SCP2: variants seen among roughly 807,000 people sequenced by gnomAD.
SCP2 encodes sterol carrier protein 2.
In SCP2, 48 loss-of-function variants were observed where a neutral mutation model predicts 71.4. That is an observed-to-expected ratio of 0.67 (90% CI 0.53 to 0.86). The LOEUF (loss-of-function observed/expected upper bound fraction) is 0.86. Among genes scored for constraint, SCP2 ranks in the 40% least tolerant of loss-of-function variants. The pLI, the probability that SCP2 is intolerant of heterozygous loss-of-function variation, is 0.00. For missense variants in SCP2, 560 were observed against 655.6 expected, an observed-to-expected ratio of 0.85 and a Z score of 1.59; for synonymous variants, 220 against 218.1, an observed-to-expected ratio of 1.01 and a Z score of -0.08.
intron 11 of SCP2, among the ~76,000 whole-genome samples, chr1:52,996,446 G>A (rs560588745): frequency 6.0e-4 from 92 of 152,302 alleles, no homozygotes; most frequent in African/African-American, 2.1e-3. Flanking sequence ...TGCAAGGAAG[G>A]GGATGGGATT....
chr1:53,014,802 A>C, intron 11 of SCP2, 88 bp from the exon 12 acceptor site: 2 of 1,485,734 alleles, frequency 1.3e-6, no homozygotes, highest in Non-Finnish European at 9.2e-7. Context: ...GGCTTAATCA[A>C]ATGCTTTAAT....
chr1:52,952,732 AC>A lies in SCP2; in HGVS notation c.331+1847del, dbSNP rs530699844. Among the ~76,000 whole-genome samples the A allele has an allele frequency of 1.1e-4, 17 of 151,942 alleles. No individual in the cohort carries two copies. The East Asian group carries it at 2.5e-3, about 22-fold the overall frequency. ...CAGTTTGCTATGACTGTGCCACTAT[AC>A]TCCAGCCTGGGCAACAGAGCAAGAC... On this transcript the variant is annotated intron_variant, in intron 4 of 15. Transcript: ENST00000371514.
At chr1:53,022,209 T>A (rs1412223083) in intron 12 of SCP2, among the ~76,000 whole-genome samples, 1 of 152,238 alleles carries the variant, frequency 6.6e-6, no homozygotes, top group Non-Finnish European at 1.5e-5. Flanking sequence ...ACGTTGTATG[T>A]AAATGAAATC....
rs1659150823 is a variant in SCP2, at chr1:52,988,012, T to C, written c.974-17T>C. The stretch of plus-strand genomic sequence containing the variant: ...TGTTACTATTAATATTTGTGAATAC[T>C]ATTTTTTCTTCTATAGGACAAGGTG... On this transcript the variant is annotated splice_polypyrimidine_tract_variant and intron_variant, in intron 10 of 15. Coordinates refer to ENST00000371514, the MANE Select transcript of SCP2 (RefSeq NM_002979.5). The C allele has an allele frequency of 8.1e-7, 1 of 1,236,766 alleles. No homozygotes were observed. The highest frequency in any genetic ancestry group is 1.7e-5 in the Admixed American group (1 of 59,524). 76.6% of individuals were successfully genotyped at this position (1,236,766 alleles called of 1,614,324 possible). A position where few individuals can be genotyped will look rare whatever the true frequency, so the allele number is the denominator to read the frequency against.
At chr1:52,972,153 A>G (rs903307617) in intron 6 of SCP2, among the ~76,000 whole-genome samples, 1 of 152,198 alleles carries the variant, frequency 6.6e-6, no homozygotes, top group Non-Finnish European at 1.5e-5. Context: ...AGTGTTCTGA[A>G]TGTGCACTAG....
intron 14 of SCP2, among the ~76,000 whole-genome samples, chr1:53,044,506 G>A (rs1460548758): frequency 6.6e-6 from 1 of 152,204 alleles, no homozygotes; most frequent in African/African-American, 2.4e-5. Flanking sequence ...AAGGACCTGT[G>A]CATATAGCAG....
intron 13 of SCP2, among the ~76,000 whole-genome samples, chr1:53,029,317 G>T (rs1485645282): frequency 6.7e-6 from 1 of 148,912 alleles, no homozygotes; most frequent in East Asian, 2.0e-4. Context: ...AGAATGGAGT[G>T]CAGTGGCATG....
intron 1 of SCP2, among the ~76,000 whole-genome samples, chr1:52,939,886 T>C (rs1654065086): frequency 6.6e-6 from 1 of 151,966 alleles, no homozygotes; most frequent in Admixed American, 6.6e-5. Flanking sequence ...ACCAGTCTGG[T>C]CTCGAATTCC....
chr1:52,931,639 G>A (rs1307695371), intron 1 of SCP2, among the ~76,000 whole-genome samples: 1 of 152,226 alleles, frequency 6.6e-6, no homozygotes, highest in Non-Finnish European at 1.5e-5. Context: ...AGAAAAGCCA[G>A]CTTGCTACTC....
intron 11 of SCP2, among the ~76,000 whole-genome samples, chr1:53,011,244 T>C (rs1306361247): frequency 6.6e-6 from 1 of 152,216 alleles, no homozygotes; most frequent in East Asian, 1.9e-4. Flanking sequence ...TATGACTTTA[T>C]TGTACTTGGC....
intron 11 of SCP2, chr1:52,993,734 A>G: frequency 2.5e-6 from 4 of 1,608,282 alleles, no homozygotes; most frequent in Middle Eastern, 2.3e-4. Flanking sequence ...CATTTGTAAT[A>G]TGATTGAAGA....
chr1:52,933,123 G>C (rs1333797120), intron 1 of SCP2, among the ~76,000 whole-genome samples: 1 of 152,074 alleles, frequency 6.6e-6, no homozygotes, highest in Non-Finnish European at 1.5e-5. Context: ...ATTCCCCATG[G>C]GGCAGGAAGT....
intron 10 of SCP2, among the ~76,000 whole-genome samples, chr1:52,987,641 T>C (rs917337839): frequency 3.9e-5 from 6 of 152,222 alleles, no homozygotes; most frequent in Non-Finnish European, 7.3e-5. Context: ...AAAATACTTA[T>C]ATAGTATATA....
intron 1 of SCP2, among the ~76,000 whole-genome samples, chr1:52,941,408 G>A (rs1654223251): frequency 6.6e-6 from 1 of 152,118 alleles, no homozygotes; most frequent in Admixed American, 6.5e-5. Flanking sequence ...GTTTGAATGA[G>A]TAGTGAATGA....
At chr1:52,995,372 CA>C in intron 11 of SCP2, 1 of 469,094 alleles carries the variant, frequency 2.1e-6, no homozygotes. Flanking sequence ...CTGACCACAC[CA>C]AACTATGGGG....
intron 8 of SCP2, among the ~76,000 whole-genome samples, chr1:52,977,033 A>T (rs1320830066): frequency 6.6e-6 from 1 of 152,164 alleles, no homozygotes; most frequent in Non-Finnish European, 1.5e-5. Context: ...AATTGTATTT[A>T]TTCATTAAAC....
At chr1:53,020,372 G>T (rs1176064153) in intron 12 of SCP2, among the ~76,000 whole-genome samples, 14 of 152,138 alleles carry the variant, frequency 9.2e-5, no homozygotes, top group Admixed American at 9.2e-4. Flanking sequence ...TAAACTTTTG[G>T]TTTTTTATTT....
chr1:52,976,907 T>A, intron 8 of SCP2, 138 bp downstream of exon 8: 1 of 649,954 alleles, frequency 1.5e-6, no homozygotes, highest in Non-Finnish European at 2.8e-6. Context: ...CCACTCTGGG[T>A]CACTTCACTA....
chr1:52,951,229 C>T (rs1655269372), intron 4 of SCP2, among the ~76,000 whole-genome samples: 2 of 151,842 alleles, frequency 1.3e-5, no homozygotes, highest in African/African-American at 4.8e-5. Flanking sequence ...TTGCAGTGAG[C>T]CTAGATGGCA....
Sources: gnomAD v4.1 joint callset for allele counts (sites outside exome capture counted in the v4.1 genomes callset) on GRCh38, gnomAD v4.1.1 for gene constraint, MANE v1.5 for transcripts, NCBI Gene and HGNC (gene_info 2026-07-23, HGNC 2026-07-21) for gene names.